The following GALNT15 variants were observed in gnomAD, a reference collection of about 807,000 sequenced individuals.
The protein encoded by GALNT15 is UDP-GalNAc transferase T15.
In GALNT15, 67 loss-of-function variants were observed where a neutral mutation model predicts 66.8. That is an observed-to-expected ratio of 1.00 (90% CI 0.82 to 1.23). GALNT15 has a LOEUF of 1.23. Ranked by LOEUF, GALNT15 falls within the 50% of genes most tolerant of loss-of-function variation. The pLI is 0.00. For synonymous variants in GALNT15, 313 were observed against 311.5 expected (o/e 1.00, Z -0.05); for missense variants, 827 against 804.3 (o/e 1.03, Z -0.34).
At position 16,186,691 on chromosome 3, in the gene GALNT15, C is replaced by T. The variant is rs187247687; in HGVS notation, c.540-9069C>T. The stretch of plus-strand genomic sequence containing the variant: ...GTGAAAGAAATCAGTCACAAAAGGC[C>T]ACGTTATGTCATTTCATTCATATGA... On this transcript the variant is annotated intron_variant, in intron 1 of 9. Transcript: ENST00000339732. This position sits in a 1 kb window ranked among gnomAD's most constrained non-coding sequence, Gnocchi z 5.1. 1.7e-3 allele frequency among the ~76,000 whole-genome samples: 260 copies of T among 152,238 alleles called. 1 individual carries two copies. Among genetic ancestry groups the T allele is most frequent in the African/African-American group, 5.8e-3 (242 of 41,528 alleles).
At chr3:16,233,089 TGCA>T (rs2064099208), downstream of GALNT15, among the ~76,000 whole-genome samples, 1 of 125,964 alleles carries the variant, frequency 7.9e-6, no homozygotes, top group African/African-American at 3.1e-5. Flanking sequence ...TACAGGATAA[TGCA>T]TCTTTTTTTT....
At chr3:16,217,652 T>G (rs2063893855) in intron 6 of GALNT15, among the ~76,000 whole-genome samples, 1 of 152,202 alleles carries the variant, frequency 6.6e-6, no homozygotes. Context: ...TTCCTTGTTT[T>G]CTCTTCTCTC....
chr3:16,219,064 C>A lies in GALNT15; in HGVS notation c.1393-339C>A, dbSNP rs952825641. ...CTCCTGACCTCAAGTGATCCACCAG[C>A]CTCGGCCTCCCAAAGTGCTGGAGGT... On this transcript the variant is annotated intron_variant, in intron 6 of 9. Transcript: ENST00000339732. This position sits in a 1 kb window ranked among gnomAD's most constrained non-coding sequence, Gnocchi z 4.3. 1.5e-4 allele frequency among the ~76,000 whole-genome samples: 23 copies of A among 152,126 alleles called. No individual in the cohort carries two copies. The highest frequency in any genetic ancestry group is 5.6e-4 in the African/African-American group (23 of 41,426).
In GALNT15 at chr3:16,186,344, T is replaced by C. The variant is rs754524825; in HGVS notation, c.540-9416T>C. Among the ~76,000 whole-genome samples, 1 of 152,164 alleles carries C rather than the reference T, an allele frequency of 6.6e-6. No individual in the cohort carries two copies. The highest frequency in any genetic ancestry group is 1.5e-5 in the Non-Finnish European group (1 of 68,030). ...AACCCTCACACATTGCTGGTGGGAT[T>C]GTAAAATGGTGCAACTGCTTTGGAA... On this transcript the variant is annotated intron_variant, in intron 1 of 9. Coordinates refer to ENST00000339732, the MANE Select transcript of GALNT15 (RefSeq NM_054110.5). The surrounding 1 kb of genome is among the most constrained non-coding windows in gnomAD (Gnocchi z 5.1).
rs940724798 is a variant in GALNT15 at position 16,209,498 on chromosome 3, A to C, written c.1079+828A>C. Among the ~76,000 whole-genome samples the C allele has an allele frequency of 6.6e-6, 1 of 152,212 alleles. No homozygotes were observed. The highest frequency in any genetic ancestry group is 2.4e-5 in the African/African-American group (1 of 41,448). ...ACAATTGCAAAATCCAAAAAGCTCT[A>C]AAAACCAAACATTTGTTTAATAATT... On this transcript the variant is annotated intron_variant, in intron 4 of 9. Transcript: ENST00000339732. This position sits in a 1 kb window ranked among gnomAD's most constrained non-coding sequence, Gnocchi z 4.1.
chr3:16,217,143 G>A (rs905945), intron 6 of GALNT15, among the ~76,000 whole-genome samples: 120,880 of 152,186 alleles, frequency 0.79, 48,733 homozygotes, highest in East Asian at 1. Context: ...TAAGAACTCA[G>A]TAACTGTTGT....
chr3:16,237,021 A>G, the GALNT15 span, among the ~76,000 whole-genome samples: 1 of 152,242 alleles, frequency 6.6e-6, no homozygotes, highest in Non-Finnish European at 1.5e-5. This position sits in a 1 kb window ranked among gnomAD's most constrained non-coding sequence, Gnocchi z 4.2. Context: ...TGGTGAAGAC[A>G]TTCACAAAGG....
At chr3:16,232,474 ATATATATATATATATATATATAT>A (rs2064092948), downstream of GALNT15, among the ~76,000 whole-genome samples, 1 of 51,790 alleles carries the variant, frequency 1.9e-5, no homozygotes, top group Non-Finnish European at 3.7e-5. Flanking sequence ...AAATAAATAT[ATATATATATATATATATATATAT>A]ATATATATAT....
At chr3:16,230,749 T>C (rs1427274620), downstream of GALNT15, among the ~76,000 whole-genome samples, 1 of 152,252 alleles carries the variant, frequency 6.6e-6, no homozygotes, top group Non-Finnish European at 1.5e-5. The surrounding 1 kb of genome is among the most constrained non-coding windows in gnomAD (Gnocchi z 4.5). Context: ...TTGTCTGTGA[T>C]CACTTTTGGG....
intron 2 of GALNT15, among the ~76,000 whole-genome samples, chr3:16,196,867 T>G (rs2063644403): frequency 6.6e-6 from 1 of 152,050 alleles, no homozygotes; most frequent in South Asian, 2.1e-4. Flanking sequence ...AAGCCGAGCA[T>G]TCACGTTTTT....
Position 16,224,239 on chromosome 3 carries a change from T to C in GALNT15, c.1773+1481T>C, listed in dbSNP as rs2063981480. 6.6e-6 allele frequency among the ~76,000 whole-genome samples: 1 copy of C among 152,248 alleles called. No individual in the cohort carries two copies. Among genetic ancestry groups the C allele is most frequent in the Admixed American group, 6.5e-5 (1 of 15,292 alleles). ...AATGAGGTACTATTCATAGTGGCAC[T>C]GTTGACAATAGCCAAGAAGTGAAAG... is the stretch of plus-strand genomic sequence containing the variant. On this transcript the variant is annotated intron_variant, in intron 9 of 9. Coordinates refer to ENST00000339732, the MANE Select transcript of GALNT15 (RefSeq NM_054110.5). This position sits in a 1 kb window ranked among gnomAD's most constrained non-coding sequence, Gnocchi z 5.2.
intron 3 of GALNT15, among the ~76,000 whole-genome samples, chr3:16,205,102 G>A (rs186510609): frequency 8.1e-4 from 123 of 152,308 alleles, no homozygotes; most frequent in East Asian, 2.3e-3. Flanking sequence ...AGCATGACAC[G>A]TCCTCGTATC....
At chr3:16,210,088 T>G (rs2063797145) in intron 4 of GALNT15, among the ~76,000 whole-genome samples, 1 of 152,218 alleles carries the variant, frequency 6.6e-6, no homozygotes, top group Non-Finnish European at 1.5e-5. Context: ...AGAAAAGGAA[T>G]GCTGAACTTG....
intron 6 of GALNT15, among the ~76,000 whole-genome samples, chr3:16,215,916 A>AAACAAAAAAAAAAAAAAAC (rs1019009823): frequency 7.0e-6 from 1 of 143,454 alleles, no homozygotes; most frequent in Non-Finnish European, 1.5e-5. Flanking sequence ...CAAAAAAAAA[A>AAACAAAAAAAAAAAAAAAC]AAAAAAAAAG....
chr3:16,247,604 C>T, the GALNT15 span, among the ~76,000 whole-genome samples: 1 of 152,226 alleles, frequency 6.6e-6, no homozygotes, highest in Non-Finnish European at 1.5e-5. Flanking sequence ...CTGTGACCCA[C>T]ACTCACTCCA....
the GALNT15 span, among the ~76,000 whole-genome samples, chr3:16,244,176 C>T: frequency 6.6e-6 from 1 of 152,164 alleles, no homozygotes; most frequent in Non-Finnish European, 1.5e-5. Context: ...TGGCTTCTGT[C>T]CACCTCCTCA....
chr3:16,195,997 A>G lies in GALNT15; in HGVS notation c.706+71A>G. 2 of 1,509,202 alleles carry G rather than the reference A, an allele frequency of 1.3e-6. No homozygotes were observed. Among genetic ancestry groups the G allele is most frequent in the Non-Finnish European group, 1.8e-6 (2 of 1,100,758 alleles). The allele number at this position is 1,509,202 out of a possible 1,614,324, so 93.5% of individuals were successfully genotyped here. On this transcript the variant is annotated intron_variant, in intron 2 of 9. Transcript: ENST00000339732. This position sits in a 1 kb window ranked among gnomAD's most constrained non-coding sequence, Gnocchi z 4.6. Reference sequence around the variant, plus strand: ...CTGGCGGGTGGAGTTCTCAAGCAAAAGATTGAAGTTTGGAACTATTTTAGG... The same window carrying G: ...CTGGCGGGTGGAGTTCTCAAGCAAAGGATTGAAGTTTGGAACTATTTTAGG...
At chr3:16,221,688 A>C (rs932268960) in intron 8 of GALNT15, among the ~76,000 whole-genome samples, 1 of 152,202 alleles carries the variant, frequency 6.6e-6, no homozygotes, top group African/African-American at 2.4e-5. Context: ...CCCCTGCCAC[A>C]GGAAAATGGT....
intron 3 of GALNT15, among the ~76,000 whole-genome samples, chr3:16,201,395 A>G (rs1046818594): frequency 4.0e-5 from 6 of 151,758 alleles, no homozygotes; most frequent in Admixed American, 3.3e-4. Context: ...GTTAGCCAGG[A>G]TGGTCTCGAT....
Sources: allele counts gnomAD v4.1 joint callset (sites outside exome capture counted in the v4.1 genomes callset), GRCh38; gene constraint gnomAD v4.1.1; non-coding constraint Gnocchi (gnomAD v3.1); transcripts MANE v1.5; gene names NCBI Gene and HGNC (gene_info 2026-07-23, HGNC 2026-07-21).